The following GHR variants were observed in gnomAD, a reference collection of about 807,000 sequenced individuals.
GHR encodes the protein growth hormone receptor, also known as GH receptor.
In GHR, 35 loss-of-function variants were observed where a neutral mutation model predicts 67.1. The ratio of observed to expected loss-of-function variants is 0.52; its 90% CI spans 0.40 to 0.69. GHR has a LOEUF of 0.69. GHR is among the 30% of genes least tolerant of loss of function. The pLI, the probability that GHR is intolerant of heterozygous loss-of-function variation, is 0.00. For missense variants in GHR, 792 were observed against 764.6 expected (o/e 1.04, Z -0.42); for synonymous variants, 272 against 269.1 (o/e 1.01, Z -0.10).
chr5:42,647,456 C>T (rs899366519), intron 3 of GHR, among the ~76,000 whole-genome samples: 1 of 151,768 alleles, frequency 6.6e-6, no homozygotes, highest in Non-Finnish European at 1.5e-5. Context: ...TGCCTGTAGT[C>T]CCAGCTACTC....
chr5:42,433,732 ATTTT>A (rs35539827), intron 1 of GHR, among the ~76,000 whole-genome samples: 5 of 77,600 alleles, frequency 6.4e-5, no homozygotes, highest in East Asian at 7.2e-4. Context: ...AAGATATGGT[ATTTT>A]TTTTTTTTTT....
At chr5:42,541,626 A>C (rs1748522412) in intron 1 of GHR, among the ~76,000 whole-genome samples, 1 of 152,156 alleles carries the variant, frequency 6.6e-6, no homozygotes, top group African/African-American at 2.4e-5. Context: ...GGGAATAAGG[A>C]GATTCAAAAG....
rs142241339 is a variant in GHR at position 42,462,494 on chromosome 5, C to T, written c.-12+38539C>T. 5.1e-3 allele frequency among the ~76,000 whole-genome samples: 770 copies of T among 152,162 alleles called. 15 individuals are homozygous for T. Among genetic ancestry groups the T allele is most frequent in the African/African-American group, 0.018 (727 of 41,512 alleles). On this transcript the variant is annotated intron_variant, in intron 1 of 9. Coordinates refer to ENST00000230882, the MANE Select transcript of GHR (RefSeq NM_000163.5). ...CCTTAATTCAAATATAGATTTAAAC[C>T]ACTTTGTCATAATATGTAAATGAAC...
chr5:42,468,798 G>A (rs1431918086), intron 1 of GHR: 4 of 1,063,768 alleles, frequency 3.8e-6, no homozygotes, highest in Non-Finnish European at 5.6e-6. Context: ...GGTCCGATTA[G>A]TTGTCAAATA....
chr5:42,703,783 ATTTTAT>A (rs1561242637), intron 6 of GHR, among the ~76,000 whole-genome samples: 1 of 151,546 alleles, frequency 6.6e-6, no homozygotes, highest in Non-Finnish European at 1.5e-5. Flanking sequence ...TAGGTCTTTT[ATTTTAT>A]TTTTATTTTT....
intron 2 of GHR, among the ~76,000 whole-genome samples, chr5:42,602,233 A>G (rs2112637434): frequency 6.6e-6 from 1 of 152,284 alleles, no homozygotes; most frequent in Admixed American, 6.5e-5. Context: ...AATATTATTA[A>G]TGATAGTCTT....
intron 1 of GHR, among the ~76,000 whole-genome samples, chr5:42,458,073 T>C (rs1453891077): frequency 6.6e-6 from 1 of 152,228 alleles, no homozygotes; most frequent in Non-Finnish European, 1.5e-5. Flanking sequence ...GAACATAAAA[T>C]GTTTATTCTT....
intron 2 of GHR, among the ~76,000 whole-genome samples, chr5:42,582,608 C>T (rs1751236289): frequency 6.6e-6 from 1 of 152,222 alleles, no homozygotes; most frequent in Admixed American, 6.5e-5. Context: ...ACTGAAAGAG[C>T]TGTAACACGA....
chr5:42,638,253 A>G (rs1289487941), intron 3 of GHR, among the ~76,000 whole-genome samples: 1 of 152,068 alleles, frequency 6.6e-6, no homozygotes, highest in African/African-American at 2.4e-5. Context: ...CTAATCATCA[A>G]GTTTGTACTG....
At chr5:42,443,084 G>A (rs1321319533) in intron 1 of GHR, among the ~76,000 whole-genome samples, 1 of 152,188 alleles carries the variant, frequency 6.6e-6, no homozygotes, top group Non-Finnish European at 1.5e-5. Flanking sequence ...TTGGCATGAG[G>A]TAATGTCAGT....
chr5:42,555,584 A>T (rs1749262537), intron 1 of GHR, among the ~76,000 whole-genome samples: 1 of 152,134 alleles, frequency 6.6e-6, no homozygotes, highest in Non-Finnish European at 1.5e-5. Flanking sequence ...TGGGAGATTT[A>T]CTTAACCTCT....
At chr5:42,551,243 A>G (rs1415491906) in intron 1 of GHR, among the ~76,000 whole-genome samples, 2 of 152,190 alleles carry the variant, frequency 1.3e-5, no homozygotes, top group Non-Finnish European at 2.9e-5. Context: ...TTACACCCAC[A>G]GGGATTTATC....
At chr5:42,617,610 G>T (rs1026768438) in intron 2 of GHR, among the ~76,000 whole-genome samples, 1 of 152,084 alleles carries the variant, frequency 6.6e-6, no homozygotes, top group African/African-American at 2.4e-5. Context: ...TAAATACTGT[G>T]TTCAGAACTT....
chr5:42,466,775 T>C, intron 1 of GHR: 1 of 648,126 alleles, frequency 1.5e-6, no homozygotes, highest in Middle Eastern at 3.7e-4. Flanking sequence ...ACTGTAACTT[T>C]TAAGGACATA....
chr5:42,625,837 G>C (rs1286941650), intron 2 of GHR, among the ~76,000 whole-genome samples: 1 of 152,024 alleles, frequency 6.6e-6, no homozygotes, highest in Non-Finnish European at 1.5e-5. Context: ...AAAACAAAGG[G>C]GGAAGGGGAT....
chr5:42,480,481 T>TAA (rs1203942887), intron 1 of GHR, among the ~76,000 whole-genome samples: 7 of 152,078 alleles, frequency 4.6e-5, no homozygotes, highest in Non-Finnish European at 1.0e-4. Context: ...AATGTTGACA[T>TAA]TGGGGTGTTA....
intron 6 of GHR, among the ~76,000 whole-genome samples, chr5:42,706,766 C>A (rs1758196238): frequency 1.3e-5 from 2 of 152,046 alleles, no homozygotes; most frequent in South Asian, 4.1e-4. Flanking sequence ...TTAACCAGTA[C>A]CATACTGTTT....
At chr5:42,610,652 G>T (rs1052579479) in intron 2 of GHR, among the ~76,000 whole-genome samples, 1 of 151,328 alleles carries the variant, frequency 6.6e-6, no homozygotes, top group African/African-American at 2.4e-5. Context: ...TGCAGTACAG[G>T]TCTAATCCCA....
chr5:42,496,631 G>T (rs1299489967), intron 1 of GHR, among the ~76,000 whole-genome samples: 3 of 152,124 alleles, frequency 2.0e-5, no homozygotes, highest in East Asian at 3.9e-4. Flanking sequence ...AGCTGTTAAA[G>T]GACAGATTGT....
Sources: allele counts gnomAD v4.1 joint callset (sites outside exome capture counted in the v4.1 genomes callset), GRCh38; gene constraint gnomAD v4.1.1; transcripts MANE v1.5; gene names NCBI Gene and HGNC (gene_info 2026-07-23, HGNC 2026-07-21).